RTN3: variants seen among roughly 807,000 people sequenced by gnomAD.
RTN3 encodes the protein reticulon 3, also known as reticulon-3.
RTN3 carries 49 observed loss-of-function variants against 77.8 expected under a neutral mutation model. The observed-to-expected ratio is 0.63, with a 90% CI of 0.50 to 0.80. The LOEUF (loss-of-function observed/expected upper bound fraction) is 0.80. Ranked by LOEUF, RTN3 falls within the 30% of genes least tolerant of loss-of-function variation. The pLI is 0.00. For synonymous variants in RTN3, 464 were observed against 446.9 expected, an observed-to-expected ratio of 1.04 and a Z score of -0.48; for missense variants, 1,236 against 1,211.9, an observed-to-expected ratio of 1.02 and a Z score of -0.29.
At chr11:63,697,611 G>C (rs1212342935) in intron 1 of RTN3, among the ~76,000 whole-genome samples, 1 of 152,028 alleles carries the variant, frequency 6.6e-6, no homozygotes, top group Non-Finnish European at 1.5e-5. Context: ...GAGTAGCTGG[G>C]ATTATGGGCA....
chr11:63,727,842 A>G (rs1035682313), intron 3 of RTN3, among the ~76,000 whole-genome samples: 2 of 152,158 alleles, frequency 1.3e-5, no homozygotes, highest in African/African-American at 2.4e-5. Context: ...GAGACTGGAG[A>G]AGGACATATT....
At chr11:63,705,845 G>A (rs753814380) in intron 2 of RTN3, among the ~76,000 whole-genome samples, 3 of 152,128 alleles carry the variant, frequency 2.0e-5, no homozygotes, top group South Asian at 4.1e-4. Context: ...GTTTGTGGAG[G>A]CAACATTGCC....
chr11:63,682,737 G>C, intron 1 of RTN3, among the ~76,000 whole-genome samples: 1 of 152,136 alleles, frequency 6.6e-6, no homozygotes, highest in Non-Finnish European at 1.5e-5. Context: ...CGAAGCTGCA[G>C]ACCTCCTTTA....
At chr11:63,743,417 T>C (rs1404469364) in intron 3 of RTN3, among the ~76,000 whole-genome samples, 11 of 152,232 alleles carry the variant, frequency 7.2e-5, no homozygotes, top group Admixed American at 3.9e-4. Flanking sequence ...CTTTTTTCTG[T>C]ATCATATGGT....
chr11:63,682,992 C>G (rs576998702), intron 1 of RTN3, among the ~76,000 whole-genome samples: 1 of 152,122 alleles, frequency 6.6e-6, no homozygotes, highest in South Asian at 2.1e-4. Flanking sequence ...GGATTTTGAT[C>G]ATTTTTTTTT....
chr11:63,695,162 A>G (rs1432181326), intron 1 of RTN3, among the ~76,000 whole-genome samples: 1 of 152,256 alleles, frequency 6.6e-6, no homozygotes, highest in Non-Finnish European at 1.5e-5. Flanking sequence ...GGTCAATCTG[A>G]AAGATACGAA....
At chr11:63,692,049 G>C (rs1430697811) in intron 1 of RTN3, among the ~76,000 whole-genome samples, 1 of 152,034 alleles carries the variant, frequency 6.6e-6, no homozygotes, top group Non-Finnish European at 1.5e-5. Context: ...TGGCCTCTTT[G>C]TCTCACTCTG....
At chr11:63,706,861 G>A (rs987264217) in intron 2 of RTN3, among the ~76,000 whole-genome samples, 4 of 149,774 alleles carry the variant, frequency 2.7e-5, no homozygotes, top group East Asian at 2.0e-4. Context: ...TTAAGAATAC[G>A]TTCTAACCTT....
chr11:63,735,773 G>A (rs903311825), intron 3 of RTN3, among the ~76,000 whole-genome samples: 2 of 151,990 alleles, frequency 1.3e-5, no homozygotes, highest in African/African-American at 4.8e-5. Context: ...CAAGCATTCT[G>A]CCCAATTTGG....
chr11:63,752,437 T>TCAGTAACTACTGTG, intron 4 of RTN3, 70 bp from the exon 5 acceptor site: 1 of 1,467,862 alleles, frequency 6.8e-7, no homozygotes, highest in Non-Finnish European at 9.4e-7. Context: ...TTTTACATTC[T>TCAGTAACTACTGTG]CAGTAACTAC....
Position 63,758,602 on chromosome 11 carries a change from A to G in RTN3, c.*401A>G. On this transcript the variant is annotated 3_prime_UTR_variant, in exon 9 of 9. Transcript: ENST00000377819. ...ATTATAGTTTTGCCCTTAAGAAGTC[A>G]TGATTAACTTATGAAAAAATTATTT... The G allele has an allele frequency of 2.5e-6, 1 of 406,216 alleles. No homozygotes were observed. The highest frequency in any genetic ancestry group is 4.3e-6 in the Non-Finnish European group (1 of 231,060). The allele number at this position is 406,216 out of a possible 1,614,324, so 25.2% of individuals were successfully genotyped here.
chr11:63,750,440 A>G (rs2014039225), intron 4 of RTN3: 12 of 493,994 alleles, frequency 2.4e-5, no homozygotes, highest in African/African-American at 2.0e-5. Context: ...AGTCCTTCAA[A>G]GAAGACTCTA....
chr11:63,735,028 TAAAA>T (rs796701610), intron 3 of RTN3, among the ~76,000 whole-genome samples: 3 of 147,946 alleles, frequency 2.0e-5, no homozygotes, highest in Non-Finnish European at 4.5e-5. Flanking sequence ...AATTTGACAA[TAAAA>T]AAAAAACTTT....
rs574688817 is a variant in RTN3, at chr11:63,689,506, A to G, written c.142+7728A>G. On this transcript the variant is annotated intron_variant, in intron 1 of 8. Transcript: ENST00000377819. ...AGACATGTTACTCTGTGATATTGCAACCTCAGAGAGAATCTCTTTAAATAC... is the reference window on the plus strand; with the variant it reads ...AGACATGTTACTCTGTGATATTGCAGCCTCAGAGAGAATCTCTTTAAATAC... Among the ~76,000 whole-genome samples the G allele has an allele frequency of 7.9e-5, 12 of 152,278 alleles. No individual in the cohort carries two copies. The South Asian group carries it at 1.2e-3, about 16-fold the overall frequency.
chr11:63,745,058 A>T (rs559654436), intron 3 of RTN3, among the ~76,000 whole-genome samples: 7 of 152,242 alleles, frequency 4.6e-5, no homozygotes, highest in Non-Finnish European at 8.8e-5. Flanking sequence ...AATACACACT[A>T]GAACTAGTGT....
At position 63,737,121 on chromosome 11, in the gene RTN3, G is replaced by A. The variant is rs577750700; in HGVS notation, c.2531-12870G>A. Among the ~76,000 whole-genome samples the A allele has an allele frequency of 1.4e-4, 22 of 151,820 alleles. No individual in the cohort carries two copies. In the East Asian group the frequency reaches 1.9e-3, roughly 13 times the overall value. ...GTAGCTGGGACTACGGGTATACGCC[G>A]CCATGCCCAGCTCCATCTTAGAATT... On this transcript the variant is annotated intron_variant, in intron 3 of 8. Transcript: ENST00000377819.
chr11:63,682,727 C>T (rs943456096), intron 1 of RTN3, among the ~76,000 whole-genome samples: 5 of 152,086 alleles, frequency 3.3e-5, no homozygotes, highest in Admixed American at 6.6e-5. Context: ...AGACTAAGAA[C>T]GAAGCTGCAG....
chr11:63,690,238 C>G (rs1172623920), intron 1 of RTN3, among the ~76,000 whole-genome samples: 4 of 152,236 alleles, frequency 2.6e-5, no homozygotes, highest in African/African-American at 9.6e-5. Flanking sequence ...AAAATTGTGT[C>G]CTGTTATTTG....
At position 63,681,538 on chromosome 11, in the gene RTN3, G is replaced by C; in HGVS notation, c.-99G>C. 7.9e-7 allele frequency: 1 copy of C among 1,272,174 alleles called. No homozygotes were observed. Among genetic ancestry groups the C allele is most frequent in the Non-Finnish European group, 1.1e-6 (1 of 935,520 alleles). 78.8% of individuals were successfully genotyped at this position (1,272,174 alleles called of 1,614,324 possible). A position where few individuals can be genotyped will look rare whatever the true frequency, so the allele number is the denominator to read the frequency against. On this transcript the variant is annotated 5_prime_UTR_variant, in exon 1 of 9. Transcript: ENST00000377819. ...CTGTCCTCGGAGCAGGCGGAGTAAA[G>C]GGACTTGAGCGAGCCAGTTGCCGGA...
Sources: allele counts gnomAD v4.1 joint callset (sites outside exome capture counted in the v4.1 genomes callset), GRCh38; gene constraint gnomAD v4.1.1; transcripts MANE v1.5; gene names NCBI Gene and HGNC (gene_info 2026-07-23, HGNC 2026-07-21).